MTMR14: variants seen among roughly 807,000 people sequenced by gnomAD.
The protein encoded by MTMR14 is phosphatidylinositol-3,5-bisphosphate 3-phosphatase MTMR14.
Under a neutral mutation model 86.3 loss-of-function variants are expected in MTMR14, and 48 were observed. The observed-to-expected ratio is 0.56, with a 90% confidence interval of 0.44 to 0.71. The LOEUF (loss-of-function observed/expected upper bound fraction) is 0.71, where lower values mean the gene tolerates loss of function less well. Among genes scored for constraint, MTMR14 ranks in the 30% least tolerant of loss-of-function variants. The pLI, the probability that MTMR14 is intolerant of heterozygous loss-of-function variation, is 0.00. For synonymous variants in MTMR14, 366 were observed against 326.1 expected (o/e 1.12, Z -1.32); for missense variants, 780 against 834.6 (o/e 0.93, Z 0.81).
At chr3:9,683,133 C>T in intron 9 of MTMR14, 45 bp from the exon 10 acceptor site, 6 of 1,569,178 alleles carry the variant, frequency 3.8e-6, no homozygotes, top group Non-Finnish European at 5.3e-6. Context: ...ACTTTAAATT[C>T]TAAATCTGAG....
intron 3 of MTMR14, among the ~76,000 whole-genome samples, chr3:9,664,907 ATTGT>A (rs975188029): frequency 6.6e-6 from 1 of 152,178 alleles, no homozygotes; most frequent in African/African-American, 2.4e-5. Flanking sequence ...GTATAATTGG[ATTGT>A]TTGTAACATA....
In MTMR14 at chr3:9,683,210, C is replaced by T. The variant is rs771874569; in HGVS notation, c.930C>T (p.Tyr310=). 3.1e-6 allele frequency: 5 copies of T among 1,614,072 alleles called. No homozygotes were observed. The highest frequency in any genetic ancestry group is 2.7e-5 in the African/African-American group (2 of 74,932). Residue 310 remains tyrosine (Y), a synonymous_variant, in exon 10 of 19, where the codon TAC becomes TAT. Transcript: ENST00000296003. The part of the protein sequence containing the change: ...CWDLVQQTQN[Y]LKLLLSLVNS... The stretch of plus-strand genomic sequence containing the variant: ...ATCTGGTGCAACAAACACAAAACTA[C>T]CTGAAGCTGCTGCTTTCCTTAGTTA...
At chr3:9,688,418 A>C (rs776697300) in intron 14 of MTMR14, among the ~76,000 whole-genome samples, 1 of 152,198 alleles carries the variant, frequency 6.6e-6, no homozygotes, top group African/African-American at 2.4e-5. Context: ...TCCGAGCTAC[A>C]AGCATGTTGG....
At position 9,684,864 on chromosome 3, in the gene MTMR14, C is replaced by T. The variant is rs958211852; in HGVS notation, c.1051-24C>T. On this transcript the variant is annotated intron_variant, in intron 11 of 18. Transcript: ENST00000296003. The stretch of plus-strand genomic sequence containing the variant: ...CCTGGGGATGAGAAGAGGGCTCTGT[C>T]ACATCTCCTGTGGTCTCTTCCAGGA... 1.9e-6 allele frequency: 3 copies of T among 1,612,584 alleles called. No homozygotes were observed. In the African/African-American group the frequency reaches 4.0e-5, roughly 21 times the overall value.
At chr3:9,684,050 G>A (rs1228586787) in intron 10 of MTMR14, among the ~76,000 whole-genome samples, 8 of 152,198 alleles carry the variant, frequency 5.3e-5, no homozygotes, top group African/African-American at 1.4e-4. Flanking sequence ...AGCCCCTGGA[G>A]CCAGGCACTG....
chr3:9,657,547 CTT>C (rs532896796), intron 2 of MTMR14, among the ~76,000 whole-genome samples: 2 of 146,658 alleles, frequency 1.4e-5, no homozygotes, highest in Non-Finnish European at 3.0e-5. Flanking sequence ...TATCACCACT[CTT>C]TTTTTTTTTC....
intron 16 of MTMR14, among the ~76,000 whole-genome samples, chr3:9,689,455 G>T (rs927849883): frequency 6.6e-6 from 1 of 152,184 alleles, no homozygotes; most frequent in Non-Finnish European, 1.5e-5. Context: ...GGGGAATTGG[G>T]AACTTGAGGG....
At chr3:9,657,209 G>T (rs375234425) in intron 2 of MTMR14, among the ~76,000 whole-genome samples, 1 of 152,156 alleles carries the variant, frequency 6.6e-6, no homozygotes, top group Non-Finnish European at 1.5e-5. Flanking sequence ...GCACCCAACA[G>T]AGTGGTTCTT....
At chr3:9,675,208 A>T (rs1400595970) in intron 7 of MTMR14, among the ~76,000 whole-genome samples, 2 of 152,234 alleles carry the variant, frequency 1.3e-5, no homozygotes, top group African/African-American at 2.4e-5. Flanking sequence ...AGGGAGGGTA[A>T]TGAGGATCAA....
intron 9 of MTMR14, among the ~76,000 whole-genome samples, chr3:9,681,672 C>CTTGTTTGT (rs575254786): frequency 4.6e-5 from 7 of 152,240 alleles, no homozygotes; most frequent in South Asian, 2.1e-4. Context: ...AGGCACGAGC[C>CTTGTTTGT]TTGTTTGTTT....
chr3:9,686,643 C>T (rs917944506), intron 13 of MTMR14, among the ~76,000 whole-genome samples: 5 of 152,204 alleles, frequency 3.3e-5, no homozygotes, highest in African/African-American at 7.2e-5. Context: ...GTAGTGAAAA[C>T]ACCTGTTTAA....
intron 13 of MTMR14, among the ~76,000 whole-genome samples, chr3:9,687,299 T>C (rs970116388): frequency 6.6e-6 from 1 of 152,096 alleles, no homozygotes; most frequent in Non-Finnish European, 1.5e-5. Context: ...TTGACGCCTG[T>C]AATCCCAGCA....
intron 17 of MTMR14, among the ~76,000 whole-genome samples, chr3:9,693,523 A>G (rs577317453): frequency 1.3e-5 from 2 of 152,370 alleles, no homozygotes; most frequent in East Asian, 3.9e-4. Flanking sequence ...TCTGTTATAT[A>G]CTGTATTTTT....
At chr3:9,691,658 C>T (rs2076142979) in intron 17 of MTMR14, among the ~76,000 whole-genome samples, 2 of 152,184 alleles carry the variant, frequency 1.3e-5, no homozygotes, top group African/African-American at 4.8e-5. Flanking sequence ...GCCAAAAGAT[C>T]CCACTTTCCA....
chr3:9,662,084 G>A (rs558807922), intron 2 of MTMR14, among the ~76,000 whole-genome samples, 183 bp from the exon 3 acceptor site: 10 of 151,358 alleles, frequency 6.6e-5, no homozygotes, highest in African/African-American at 2.4e-4. Context: ...GTGAAACTCC[G>A]TCTCAAAAAA....
chr3:9,684,626 C>G lies in MTMR14; in HGVS notation c.1006C>G (p.Arg336Gly), dbSNP rs756686196. 2.5e-6 allele frequency: 4 copies of G among 1,614,000 alleles called. No individual in the cohort carries two copies. Among genetic ancestry groups the G allele is most frequent in the Non-Finnish European group, 3.4e-6 (4 of 1,180,028 alleles). Residue 336 changes from arginine to glycine, a missense_variant, in exon 11 of 19, where the codon CGG becomes GGG. Physicochemically the swap from Arg to Gly is moderately radical, Grantham distance 125. Coordinates refer to ENST00000296003, the MANE Select transcript of MTMR14 (RefSeq NM_001077525.3). ...GGTACACTGTATCTCAGGCTGGGATCGGACCCCCCTCTTCATCTCCCTCCT... is the reference window on the plus strand; with the variant it reads ...GGTACACTGTATCTCAGGCTGGGATGGGACCCCCCTCTTCATCTCCCTCCT... ...LLVHCISGWD[R>G]TPLFISLLRL...
chr3:9,695,793 C>T (rs147495841), intron 17 of MTMR14, among the ~76,000 whole-genome samples: 187 of 152,324 alleles, frequency 1.2e-3, no homozygotes, highest in African/African-American at 3.7e-3. Context: ...GGAAAAGATT[C>T]TACCCTGCAG....
rs1008885647 is a variant in MTMR14, at chr3:9,665,279, C to G, written c.417+2904C>G. Among the ~76,000 whole-genome samples, 12 of 67,032 alleles carry G rather than the reference C, an allele frequency of 1.8e-4. No individual in the cohort carries two copies. The East Asian group carries it at 6.2e-3, about 35-fold the overall frequency. The allele number at this position is 67,032 out of a possible 152,430, so 44.0% of individuals were successfully genotyped here. ...CCTGGGCGACAGTGTGAGACTGTCT[C>G]AAAAAAAAAAAAAAAAAAAAGTCTC... On this transcript the variant is annotated intron_variant, in intron 3 of 18. Transcript: ENST00000296003.
intron 17 of MTMR14, among the ~76,000 whole-genome samples, chr3:9,693,152 C>T (rs951935117): frequency 6.6e-6 from 1 of 152,176 alleles, no homozygotes; most frequent in African/African-American, 2.4e-5. Context: ...AAAGGAAACA[C>T]ATTTACAGTC....
Sources: allele counts gnomAD v4.1 joint callset (sites outside exome capture counted in the v4.1 genomes callset), GRCh38; gene constraint gnomAD v4.1.1; transcripts MANE v1.5; gene names NCBI Gene and HGNC (gene_info 2026-07-23, HGNC 2026-07-21).